The following IL12RB2 variants were observed in gnomAD, a reference collection of about 807,000 sequenced individuals.
IL12RB2 encodes the protein interleukin-12 receptor subunit beta-2.
Under a neutral mutation model 89.4 loss-of-function variants are expected in IL12RB2, and 82 were observed. That is an observed-to-expected ratio of 0.92 (90% CI 0.77 to 1.10). The LOEUF is 1.10. Ranked by LOEUF, IL12RB2 falls within the 50% of genes least tolerant of loss-of-function variation. The pLI is 0.00. For missense variants in IL12RB2, 963 were observed against 1,031.9 expected, an observed-to-expected ratio of 0.93 and a Z score of 0.92; for synonymous variants, 368 against 370.1, an observed-to-expected ratio of 0.99 and a Z score of 0.07.
At chr1:67,383,752 A>G (rs1185605048) in intron 14 of IL12RB2, among the ~76,000 whole-genome samples, 1 of 152,246 alleles carries the variant, frequency 6.6e-6, no homozygotes, top group African/African-American at 2.4e-5. Context: ...CATTATTGGA[A>G]TGCTAAGCAT....
intron 10 of IL12RB2, among the ~76,000 whole-genome samples, chr1:67,366,805 C>CCTGCTTG (rs1237842107): frequency 6.6e-6 from 1 of 152,128 alleles, no homozygotes; most frequent in Admixed American, 6.6e-5. Context: ...AAAAGAACTT[C>CCTGCTTG]CTGCTTGTCA....
At chr1:67,374,158 A>G (rs2101026313) in intron 13 of IL12RB2, among the ~76,000 whole-genome samples, 1 of 152,346 alleles carries the variant, frequency 6.6e-6, no homozygotes, top group South Asian at 2.1e-4. Flanking sequence ...TACGTGGTAG[A>G]GACCTTTCTA....
Position 67,329,661 on chromosome 1 carries a change from A to T in IL12RB2, c.739A>T (p.Arg247Ter). Residue 247 changes from arginine (R) to a stop codon, truncating the protein, a stop_gained, in exon 7 of 17, where the codon AGA (arginine) becomes TGA (stop). Coordinates refer to ENST00000674203, the MANE Select transcript of IL12RB2 (RefSeq NM_001374259.2). LOFTEE classifies it high-confidence loss of function. ...TGTGAGCAGATGTACCCTTTATTGG[A>T]GAGATGAGGGACTGGTACTGCTTAA... ...ASVSRCTLYWRDEGLVLLNRL... is the reference protein window; with the variant it reads ...ASVSRCTLYW 1 of 1,583,574 alleles carries T rather than the reference A, an allele frequency of 6.3e-7. No homozygotes were observed. Among genetic ancestry groups the T allele is most frequent in the Non-Finnish European group, 8.7e-7 (1 of 1,152,114 alleles).
chr1:67,330,770 T>G lies in IL12RB2; in HGVS notation c.918T>G (p.Ser306Arg), dbSNP rs1166876314. ...TACATCTTTATAAGGGAAGTTGGAG[T>G]GATTGGAGTGAATCATTGAGAGCAC... Reference protein sequence around the residue: ...SKLHLYKGSWSDWSESLRAQT... With the variant: ...SKLHLYKGSWRDWSESLRAQT... The change falls in exon 8 of 17, where the codon AGT becomes AGG. Residue 306 changes from serine (S) to arginine (R), a missense_variant. Coordinates refer to ENST00000674203, the MANE Select transcript of IL12RB2 (RefSeq NM_001374259.2). 2.5e-6 allele frequency: 4 copies of G among 1,570,610 alleles called. No individual in the cohort carries two copies. The highest frequency in any genetic ancestry group is 1.3e-5 in the African/African-American group (1 of 74,128).
At chr1:67,373,385 C>G (rs757472239) in intron 13 of IL12RB2, among the ~76,000 whole-genome samples, 1 of 152,242 alleles carries the variant, frequency 6.6e-6, no homozygotes, top group African/African-American at 2.4e-5. Flanking sequence ...GCTGTGATTA[C>G]AGGCATGGGC....
chr1:67,355,806 G>T (rs1485206158), intron 10 of IL12RB2, among the ~76,000 whole-genome samples: 1 of 152,206 alleles, frequency 6.6e-6, no homozygotes, highest in Non-Finnish European at 1.5e-5. Flanking sequence ...AAGGTGAGTT[G>T]TTAGCAGACT....
chr1:67,353,010 C>T (rs1421176894), intron 10 of IL12RB2, among the ~76,000 whole-genome samples: 1 of 152,176 alleles, frequency 6.6e-6, no homozygotes, highest in Non-Finnish European at 1.5e-5. Flanking sequence ...GAAATGTATA[C>T]TCAGCATATC....
intron 10 of IL12RB2, among the ~76,000 whole-genome samples, chr1:67,361,557 G>A (rs1413407831): frequency 6.6e-6 from 1 of 152,136 alleles, no homozygotes; most frequent in Non-Finnish European, 1.5e-5. Context: ...ACATATCTGG[G>A]GGAGGAGTTT....
At chr1:67,372,067 C>CGT (rs112351422) in intron 11 of IL12RB2, among the ~76,000 whole-genome samples, 4 of 151,162 alleles carry the variant, frequency 2.6e-5, no homozygotes, top group Admixed American at 6.6e-5. Context: ...AGTCTGGGTG[C>CGT]GTGTGTGTGT....
intron 16 of IL12RB2, among the ~76,000 whole-genome samples, chr1:67,392,436 G>T (rs2100318220): frequency 6.6e-6 from 1 of 152,120 alleles, no homozygotes; most frequent in East Asian, 1.9e-4. Context: ...TCCAAAGTGG[G>T]TTTATTTATA....
chr1:67,340,310 T>A (rs550512340), intron 9 of IL12RB2, among the ~76,000 whole-genome samples: 2 of 152,330 alleles, frequency 1.3e-5, no homozygotes, highest in African/African-American at 4.8e-5. Context: ...AAGCAGGACA[T>A]TTAGAACAGC....
At chr1:67,348,378 A>G (rs917007168) in intron 9 of IL12RB2, among the ~76,000 whole-genome samples, 20 of 152,128 alleles carry the variant, frequency 1.3e-4, no homozygotes, top group African/African-American at 4.6e-4. Context: ...GCTTGTCTAT[A>G]TAGGGAGCAG....
chr1:67,372,159 T>A (rs1383384279), intron 11 of IL12RB2, among the ~76,000 whole-genome samples: 1 of 152,166 alleles, frequency 6.6e-6, no homozygotes, highest in East Asian at 1.9e-4. Flanking sequence ...ATCATGGTGA[T>A]CCTGTTTGTT....
rs1010615470 is a variant in IL12RB2 at position 67,307,943 on chromosome 1, C to G, written c.-149C>G. 1 of 151,962 alleles carries G rather than the reference C, an allele frequency of 6.6e-6. No individual in the cohort carries two copies. The highest frequency in any genetic ancestry group is 2.4e-5 in the African/African-American group (1 of 41,388). The allele number at this position is 151,962 out of a possible 1,614,324, so 9.4% of individuals were successfully genotyped here. A position where few individuals can be genotyped will look rare whatever the true frequency, so the allele number is the denominator to read the frequency against. ...CACCCGGTCCCCGCAGGCCCGGGAC[C>G]GCGCCCGCTGGCAGGCGACACGTGG... On this transcript the variant is annotated 5_prime_UTR_variant, in exon 1 of 17. Transcript: ENST00000674203.
intron 13 of IL12RB2, among the ~76,000 whole-genome samples, 170 bp downstream of exon 13, chr1:67,372,953 A>G (rs1195024672): frequency 2.0e-5 from 3 of 152,214 alleles, no homozygotes; most frequent in Non-Finnish European, 4.4e-5. Context: ...TAGAAAAGAC[A>G]TCTAAACACA....
chr1:67,365,013 A>C (rs79612911), intron 10 of IL12RB2, among the ~76,000 whole-genome samples: 7,890 of 152,364 alleles, frequency 0.052, 286 homozygotes, highest in Admixed American at 0.076. Context: ...AGATAGCTGG[A>C]AAATCCCAAA....
intron 1 of IL12RB2, among the ~76,000 whole-genome samples, chr1:67,313,287 T>C (rs1284572168): frequency 6.6e-6 from 1 of 152,194 alleles, no homozygotes; most frequent in Non-Finnish European, 1.5e-5. Flanking sequence ...GAGGTGGGCC[T>C]CAGAAGTAAT....
chr1:67,332,654 C>G (rs1310251625), intron 8 of IL12RB2, among the ~76,000 whole-genome samples: 1 of 152,038 alleles, frequency 6.6e-6, no homozygotes. Flanking sequence ...TATATATAGT[C>G]AAAGTAATTT....
chr1:67,362,542 C>T (rs1348382531), intron 10 of IL12RB2, among the ~76,000 whole-genome samples: 5 of 131,056 alleles, frequency 3.8e-5, no homozygotes, highest in African/African-American at 8.7e-5. Context: ...GTCCGCAGTC[C>T]GGCCTGGGCG....
Sources: allele counts gnomAD v4.1 joint callset (sites outside exome capture counted in the v4.1 genomes callset), GRCh38; gene constraint gnomAD v4.1.1; transcripts MANE v1.5; gene names NCBI Gene and HGNC (gene_info 2026-07-23, HGNC 2026-07-21).